SEL1L2: variants seen among roughly 807,000 people sequenced by gnomAD.
SEL1L2 encodes the protein SEL1L2 adaptor subunit of SYVN1 ubiquitin ligase.
SEL1L2 carries 89 observed loss-of-function variants against 98.8 expected under a neutral mutation model. The observed-to-expected ratio is 0.90, with a 90% CI of 0.76 to 1.07. The LOEUF (loss-of-function observed/expected upper bound fraction) is 1.07, where lower values mean the gene tolerates loss of function less well. SEL1L2 is among the 50% of genes least tolerant of loss of function. The probability of loss-of-function intolerance (pLI) is 0.00; values close to 1 mark genes in which losing one functional copy is unlikely to be tolerated. For synonymous variants in SEL1L2, 262 were observed against 278.5 expected, an observed-to-expected ratio of 0.94 and a Z score of 0.59; for missense variants, 788 against 812.0, an observed-to-expected ratio of 0.97 and a Z score of 0.36.
intron 2 of SEL1L2, among the ~76,000 whole-genome samples, chr20:13,955,061 C>T (rs1569036382): frequency 6.6e-6 from 1 of 152,110 alleles, no homozygotes; most frequent in Non-Finnish European, 1.5e-5. Flanking sequence ...AAGATTTACT[C>T]ATTAATTCAA....
intron 2 of SEL1L2, among the ~76,000 whole-genome samples, chr20:13,954,105 A>AC (rs2050401132): frequency 6.6e-6 from 1 of 150,964 alleles, no homozygotes; most frequent in Admixed American, 6.6e-5. Context: ...GGAGTAGATG[A>AC]CTTTTTTTTT....
rs1438627950 is a variant in SEL1L2, at chr20:13,888,492, A to C, written c.570T>G (p.Ser190=). 2.6e-6 allele frequency: 4 copies of C among 1,564,822 alleles called. No homozygotes were observed. Among genetic ancestry groups the C allele is most frequent in the Non-Finnish European group, 3.5e-6 (4 of 1,145,100 alleles). Reference sequence around the variant, plus strand: ...GATCATATTCCATTCCTATTCCATAAGAAGACAAAAATCCTAATGCCTAAA... The same window carrying C: ...GATCATATTCCATTCCTATTCCATACGAAGACAAAAATCCTAATGCCTAAA... The part of the protein sequence containing the change: ...KAQNALGFLS[S]YGIGMEYDQA... The change falls in exon 6 of 20, where the codon TCT becomes TCG. Residue 190 remains serine, a synonymous_variant. Transcript: ENST00000284951.
chr20:13,919,794 C>T (rs1487430322), intron 3 of SEL1L2, among the ~76,000 whole-genome samples: 2 of 151,872 alleles, frequency 1.3e-5, no homozygotes, highest in African/African-American at 4.8e-5. Flanking sequence ...GGCGTGGTGG[C>T]ACACACCTGT....
At chr20:13,910,120 A>G (rs2048152179) in intron 5 of SEL1L2, among the ~76,000 whole-genome samples, 1 of 152,206 alleles carries the variant, frequency 6.6e-6, no homozygotes, top group Non-Finnish European at 1.5e-5. Context: ...AGACCAAAAC[A>G]CACGTATCTA....
intron 14 of SEL1L2, among the ~76,000 whole-genome samples, chr20:13,868,952 C>T (rs2046053727): frequency 6.6e-6 from 1 of 151,970 alleles, no homozygotes; most frequent in Admixed American, 6.6e-5. Context: ...GGTGCCCATT[C>T]ATTTACTCTT....
At chr20:13,981,516 T>C (rs1359295361) in intron 1 of SEL1L2, among the ~76,000 whole-genome samples, 4 of 152,350 alleles carry the variant, frequency 2.6e-5, no homozygotes, top group East Asian at 1.9e-4. Flanking sequence ...GACTTAATCA[T>C]TGCCCAACAT....
At chr20:13,950,278 C>T (rs2050205533) in intron 2 of SEL1L2, among the ~76,000 whole-genome samples, 1 of 152,012 alleles carries the variant, frequency 6.6e-6, no homozygotes, top group South Asian at 2.1e-4. Flanking sequence ...ATGTAATTAG[C>T]ACTACTGAGC....
intron 12 of SEL1L2, among the ~76,000 whole-genome samples, chr20:13,875,039 C>G (rs1045010258): frequency 2.6e-5 from 4 of 152,172 alleles, no homozygotes; most frequent in African/African-American, 9.7e-5. Context: ...GGAGCAGAGG[C>G]AAAGACTTCG....
chr20:13,913,770 T>C lies in SEL1L2; in HGVS notation c.549+12A>G. 1.3e-6 allele frequency: 2 copies of C among 1,508,614 alleles called. No homozygotes were observed. The highest frequency in any genetic ancestry group is 8.8e-7 in the Non-Finnish European group (1 of 1,138,736). The allele number at this position is 1,508,614 out of a possible 1,614,324, so 93.5% of individuals were successfully genotyped here. On this transcript the variant is annotated intron_variant, in intron 5 of 19. Coordinates refer to ENST00000284951, the MANE Select transcript of SEL1L2 (RefSeq NM_025229.2). Reference sequence around the variant, plus strand: ...GGAGCTATTTAAGGTTTCATTTTCCTTCAAAACTCACGTTTTGGGCTTTAC... The same window carrying C: ...GGAGCTATTTAAGGTTTCATTTTCCCTCAAAACTCACGTTTTGGGCTTTAC...
At chr20:13,989,606 A>G (rs1209052280) in intron 1 of SEL1L2, among the ~76,000 whole-genome samples, 1 of 152,182 alleles carries the variant, frequency 6.6e-6, no homozygotes, top group South Asian at 2.1e-4. Context: ...TGGGTTTTCA[A>G]TATCTTCTAT....
rs1038659111 is a variant in SEL1L2 at position 13,988,655 on chromosome 20, C to T, written c.58+1822G>A. ...CTTCTTTTTCAGGAACATTTTTTTC[C>T]ATATGAATTTTAAGACCAGTTTGCC... On this transcript the variant is annotated intron_variant, in intron 1 of 19. Coordinates refer to ENST00000284951, the MANE Select transcript of SEL1L2 (RefSeq NM_025229.2). Among the ~76,000 whole-genome samples the T allele has an allele frequency of 2.0e-5, 3 of 152,056 alleles. No homozygotes were observed. In the South Asian group the frequency reaches 6.2e-4, roughly 31 times the overall value.
At chr20:13,943,387 T>G (rs2049867113) in intron 2 of SEL1L2, among the ~76,000 whole-genome samples, 1 of 152,144 alleles carries the variant, frequency 6.6e-6, no homozygotes, top group Non-Finnish European at 1.5e-5. Flanking sequence ...TATTCTGTAT[T>G]TACATGCAAG....
intron 1 of SEL1L2, among the ~76,000 whole-genome samples, chr20:13,985,944 T>C (rs2052160114): frequency 1.3e-5 from 2 of 152,234 alleles, no homozygotes; most frequent in Admixed American, 1.3e-4. Context: ...TTGCTTAGCA[T>C]GTATTCAAGG....
intron 1 of SEL1L2, among the ~76,000 whole-genome samples, chr20:13,979,802 G>C (rs532206156): frequency 7.9e-5 from 12 of 152,272 alleles, no homozygotes; most frequent in African/African-American, 2.6e-4. Context: ...AGCCTGGGTA[G>C]TGATTTCTTA....
At chr20:13,937,162 T>C (rs1169733417) in intron 2 of SEL1L2, among the ~76,000 whole-genome samples, 2 of 152,232 alleles carry the variant, frequency 1.3e-5, no homozygotes, top group African/African-American at 4.8e-5. Flanking sequence ...CTAAGGATCT[T>C]TTTCCCCAAG....
At chr20:13,893,168 C>T (rs373622361) in intron 5 of SEL1L2, among the ~76,000 whole-genome samples, 5 of 152,212 alleles carry the variant, frequency 3.3e-5, no homozygotes, top group African/African-American at 1.2e-4. Flanking sequence ...TTCCCCTCCC[C>T]TGCCCTGTGT....
chr20:13,958,006 TAA>T (rs1293506523), intron 1 of SEL1L2, among the ~76,000 whole-genome samples: 4 of 152,226 alleles, frequency 2.6e-5, no homozygotes, highest in Non-Finnish European at 5.9e-5. Context: ...AAGATATGAA[TAA>T]GTTTTATTAA....
At chr20:13,892,635 G>C (rs925506902) in intron 5 of SEL1L2, among the ~76,000 whole-genome samples, 1 of 152,076 alleles carries the variant, frequency 6.6e-6, no homozygotes, top group Non-Finnish European at 1.5e-5. Context: ...ATAACTACAA[G>C]ATGTACAGAA....
chr20:13,971,728 C>T (rs968841758), intron 1 of SEL1L2, among the ~76,000 whole-genome samples: 3 of 152,128 alleles, frequency 2.0e-5, no homozygotes, highest in Admixed American at 6.6e-5. Flanking sequence ...AGCCACCGTG[C>T]CTGGCTACAA....
Sources: gnomAD v4.1 joint callset for allele counts (sites outside exome capture counted in the v4.1 genomes callset) on GRCh38, gnomAD v4.1.1 for gene constraint, MANE v1.5 for transcripts, NCBI Gene and HGNC (gene_info 2026-07-23, HGNC 2026-07-21) for gene names.